Variants in MACROD2 observed in about 807,000 individuals in gnomAD.
MACROD2 encodes the protein ADP-ribose glycohydrolase MACROD2.
In MACROD2, 36 loss-of-function variants were observed where a neutral mutation model predicts 70.4. The ratio of observed to expected loss-of-function variants is 0.51; its 90% CI spans 0.39 to 0.68. MACROD2 has a LOEUF of 0.68. MACROD2 is among the 30% of genes least tolerant of loss of function. The pLI is 0.00. For missense variants in MACROD2, 496 were observed against 538.4 expected (o/e 0.92, Z 0.78); for synonymous variants, 172 against 178.8 (o/e 0.96, Z 0.30).
At chr20:14,674,474 C>A (rs190498311) in intron 4 of MACROD2, among the ~76,000 whole-genome samples, 1 of 152,264 alleles carries the variant, frequency 6.6e-6, no homozygotes, top group Admixed American at 6.5e-5. Context: ...TCAGTTTACT[C>A]ACGAAAATCC....
chr20:15,074,327 G>C (rs989364596), intron 5 of MACROD2, among the ~76,000 whole-genome samples: 3 of 152,290 alleles, frequency 2.0e-5, no homozygotes, highest in African/African-American at 7.2e-5. Flanking sequence ...ACCTAATGAA[G>C]CTTGTATAAA....
intron 2 of MACROD2, among the ~76,000 whole-genome samples, chr20:14,023,316 T>C (rs1026388830): frequency 3.3e-4 from 50 of 152,370 alleles, no homozygotes; most frequent in African/African-American, 1.2e-3. Flanking sequence ...GTCAGATGGA[T>C]AGATTGAAAT....
At chr20:15,949,224 T>C (rs2065871869) in intron 12 of MACROD2, among the ~76,000 whole-genome samples, 1 of 152,204 alleles carries the variant, frequency 6.6e-6, no homozygotes, top group African/African-American at 2.4e-5. Context: ...AGAGTTAATA[T>C]ATTTAAAGTG....
chr20:14,011,663 G>C (rs2052908966), intron 2 of MACROD2, among the ~76,000 whole-genome samples: 1 of 151,772 alleles, frequency 6.6e-6, no homozygotes, highest in Non-Finnish European at 1.5e-5. Flanking sequence ...CGACTAGCTG[G>C]GACTCCAGGC....
chr20:15,635,225 G>A (rs1436428395), intron 8 of MACROD2, among the ~76,000 whole-genome samples: 1 of 152,176 alleles, frequency 6.6e-6, no homozygotes, highest in Non-Finnish European at 1.5e-5. Flanking sequence ...CCACATAAAT[G>A]AAGAGTTATA....
chr20:14,511,769 A>G (rs1273590758), intron 4 of MACROD2, among the ~76,000 whole-genome samples: 1 of 152,122 alleles, frequency 6.6e-6, no homozygotes, highest in Non-Finnish European at 1.5e-5. Context: ...AGAAAAAAAA[A>G]AAGTTGTATA....
chr20:14,047,173 G>A (rs1228006672), intron 2 of MACROD2, among the ~76,000 whole-genome samples: 2 of 152,028 alleles, frequency 1.3e-5, no homozygotes, highest in South Asian at 2.1e-4. Context: ...TGGGCTGGGC[G>A]CGGTGGCTCA....
intron 5 of MACROD2, among the ~76,000 whole-genome samples, chr20:14,718,650 A>G (rs1258097764): frequency 6.6e-6 from 1 of 152,168 alleles, no homozygotes; most frequent in African/African-American, 2.4e-5. Flanking sequence ...TGGTTTAAAC[A>G]TTTAAATGAT....
At chr20:14,120,836 C>T (rs1178424018) in intron 3 of MACROD2, among the ~76,000 whole-genome samples, 1 of 151,290 alleles carries the variant, frequency 6.6e-6, no homozygotes, top group African/African-American at 2.4e-5. Flanking sequence ...CACATGTTCT[C>T]ACTCATAATG....
intron 9 of MACROD2, among the ~76,000 whole-genome samples, chr20:15,866,700 C>G (rs983360525): frequency 6.6e-6 from 1 of 152,110 alleles, no homozygotes; most frequent in African/African-American, 2.4e-5. Context: ...TCATCTGCTG[C>G]CCATCATTTT....
At chr20:14,895,812 ATAAT>A (rs1384187547) in intron 5 of MACROD2, among the ~76,000 whole-genome samples, 1 of 152,198 alleles carries the variant, frequency 6.6e-6, no homozygotes, top group Non-Finnish European at 1.5e-5. Context: ...TGAGATTTTT[ATAAT>A]TAAATTTTTA....
chr20:15,519,063 C>CTTCCTTCCTTCCTTCT (rs2047609765), intron 8 of MACROD2, among the ~76,000 whole-genome samples: 1 of 70,936 alleles, frequency 1.4e-5, no homozygotes, highest in Non-Finnish European at 2.6e-5. Flanking sequence ...TCTTTCCTTC[C>CTTCCTTCCTTCCTTCT]TTCCTTCCTT....
At chr20:14,686,612 A>C (rs546908884) in intron 5 of MACROD2, among the ~76,000 whole-genome samples, 2 of 152,312 alleles carry the variant, frequency 1.3e-5, no homozygotes, top group South Asian at 4.1e-4. Context: ...TATTCAGTAC[A>C]GTAACATGCT....
intron 6 of MACROD2, among the ~76,000 whole-genome samples, chr20:15,415,074 G>A (rs915006982): frequency 5.9e-5 from 9 of 152,108 alleles, no homozygotes; most frequent in Admixed American, 5.2e-4. Context: ...TGGTGCATGC[G>A]GAAGTTAGAA....
At chr20:14,115,112 C>G (rs2054498110) in intron 3 of MACROD2, among the ~76,000 whole-genome samples, 1 of 152,128 alleles carries the variant, frequency 6.6e-6, no homozygotes, top group South Asian at 2.1e-4. Context: ...TTTTCTCCTC[C>G]TTTCCTACAA....
At chr20:15,869,234 TATATAGAGAG>T (rs1321822955) in intron 9 of MACROD2, among the ~76,000 whole-genome samples, 4 of 31,690 alleles carry the variant, frequency 1.3e-4, no homozygotes, top group East Asian at 7.2e-4. Context: ...TATATATATA[TATATAGAGAG>T]AGAGAGAGAG....
chr20:15,604,390 C>G (rs990182624), intron 8 of MACROD2, among the ~76,000 whole-genome samples: 5 of 152,128 alleles, frequency 3.3e-5, no homozygotes, highest in African/African-American at 1.2e-4. Context: ...AATGCCTGTG[C>G]CCAAGCACTG....
chr20:14,135,118 C>T (rs1332080920), intron 3 of MACROD2, among the ~76,000 whole-genome samples: 1 of 152,076 alleles, frequency 6.6e-6, no homozygotes, highest in Non-Finnish European at 1.5e-5. Flanking sequence ...CTTCCTGTAT[C>T]AAGAAACATA....
At chr20:14,399,021 A>ATTTTTTTTT (rs57218208) in intron 3 of MACROD2, among the ~76,000 whole-genome samples, 1 of 139,114 alleles carries the variant, frequency 7.2e-6, no homozygotes, top group African/African-American at 2.6e-5. Flanking sequence ...CTCAATGAGT[A>ATTTTTTTTT]TTTTTTTTTT....
Sources: allele counts gnomAD v4.1 joint callset (sites outside exome capture counted in the v4.1 genomes callset), GRCh38; gene constraint gnomAD v4.1.1; transcripts MANE v1.5; gene names NCBI Gene and HGNC (gene_info 2026-07-23, HGNC 2026-07-21).